TRABD2B: variants seen among roughly 807,000 people sequenced by gnomAD.
The protein encoded by TRABD2B is metalloprotease TIKI2.
Under a neutral mutation model 40.1 loss-of-function variants are expected in TRABD2B, and 14 were observed. The observed-to-expected ratio is 0.35, with a 90% CI of 0.23 to 0.55. The LOEUF (loss-of-function observed/expected upper bound fraction) is 0.55, where lower values mean the gene tolerates loss of function less well. TRABD2B is among the 20% of genes least tolerant of loss of function. The probability of loss-of-function intolerance (pLI) is 0.90; values close to 1 mark genes in which losing one functional copy is unlikely to be tolerated. For missense variants in TRABD2B, 541 were observed against 648.6 expected, an observed-to-expected ratio of 0.83 and a Z score of 1.80; for synonymous variants, 263 against 277.0, an observed-to-expected ratio of 0.95 and a Z score of 0.50.
intron 2 of TRABD2B, among the ~76,000 whole-genome samples, chr1:47,888,340 T>C (rs931343369): frequency 6.6e-6 from 1 of 152,196 alleles, no homozygotes; most frequent in African/African-American, 2.4e-5. Flanking sequence ...GCTTTCTGTT[T>C]GGAGGGAGGC....
intron 2 of TRABD2B, among the ~76,000 whole-genome samples, chr1:47,970,679 T>C (rs1396519117): frequency 6.6e-6 from 1 of 152,192 alleles, no homozygotes; most frequent in African/African-American, 2.4e-5. Context: ...TTGGTTGATC[T>C]GAGTTGGACT....
intron 2 of TRABD2B, among the ~76,000 whole-genome samples, chr1:47,873,568 G>A (rs1044533258): frequency 4.6e-5 from 7 of 152,190 alleles, no homozygotes; most frequent in Admixed American, 1.3e-4. Context: ...AACGAGGGAA[G>A]CAGGGTGTTG....
intron 2 of TRABD2B, among the ~76,000 whole-genome samples, chr1:47,988,693 G>A (rs970110492): frequency 2.0e-5 from 3 of 152,146 alleles, no homozygotes; most frequent in African/African-American, 7.2e-5. Flanking sequence ...AGACTTGGTT[G>A]GCCTAGGCTC....
chr1:47,776,113 GA>G (rs1277400949), intron 5 of TRABD2B, among the ~76,000 whole-genome samples: 1 of 152,072 alleles, frequency 6.6e-6, no homozygotes, highest in African/African-American at 2.4e-5. Flanking sequence ...GCAAAGCACC[GA>G]GAACAGTGTC....
chr1:47,856,531 G>A lies in TRABD2B; in HGVS notation c.667-54912C>T, dbSNP rs561639496. Among the ~76,000 whole-genome samples, 90 of 152,350 alleles carry A rather than the reference G, an allele frequency of 5.9e-4. 1 individual carries two copies. The highest frequency in any genetic ancestry group is 3.4e-3 in the Middle Eastern group (1 of 294). The stretch of plus-strand genomic sequence containing the variant: ...ATTTTGAGGTGGGCTGAGAGTCCCA[G>A]TCCCTGATTCTAGGACCAGCTTTGC... On this transcript the variant is annotated intron_variant, in intron 2 of 6. Transcript: ENST00000606738.
In TRABD2B at chr1:47,795,662, A is replaced by G. The variant is rs1205178811; in HGVS notation, c.814-902T>C. On this transcript the variant is annotated intron_variant, in intron 3 of 6. Transcript: ENST00000606738. ...AAGAGGATGGGGGCTGTCATGGGCT[A>G]CATTCAGCACATGCCACCCTACAGA... 3 of 985,222 alleles carry G rather than the reference A, an allele frequency of 3.0e-6. No individual in the cohort carries two copies. In the African/African-American group the frequency reaches 5.2e-5, roughly 17 times the overall value. The allele number at this position is 985,222 out of a possible 1,614,324, so 61.0% of individuals were successfully genotyped here.
chr1:47,909,150 C>T (rs908085435), intron 2 of TRABD2B, among the ~76,000 whole-genome samples: 2 of 152,232 alleles, frequency 1.3e-5, no homozygotes, highest in Non-Finnish European at 2.9e-5. Context: ...CTATTAAATA[C>T]GTGTGGACAC....
chr1:47,849,341 C>T (rs1239500227), intron 2 of TRABD2B, among the ~76,000 whole-genome samples: 2 of 152,212 alleles, frequency 1.3e-5, no homozygotes, highest in Non-Finnish European at 2.9e-5. Context: ...ATCCAGAACA[C>T]TGCCATCTGT....
At chr1:47,887,826 C>T (rs1007917354) in intron 2 of TRABD2B, among the ~76,000 whole-genome samples, 2 of 152,192 alleles carry the variant, frequency 1.3e-5, no homozygotes, top group African/African-American at 2.4e-5. Context: ...CCCTCCAAAC[C>T]AGTCCTGGGT....
chr1:47,794,655 T>G lies in TRABD2B; in HGVS notation c.919A>C (p.Met307Leu). 1 of 1,536,808 alleles carries G rather than the reference T, an allele frequency of 6.5e-7. No homozygotes were observed. Among genetic ancestry groups the G allele is most frequent in the Non-Finnish European group, 8.7e-7 (1 of 1,146,964 alleles). Residue 307 changes from methionine (M) to leucine (L), a missense_variant, in exon 4 of 7, where the codon ATG becomes CTG. By Grantham distance (15) the Met-to-Leu change is conservative (BLOSUM62 2). Around this residue, in one of 2 missense-constraint regions of TRABD2B, gnomAD observed 369 missense variants for 492.8 expected, o/e 0.75. Coordinates refer to ENST00000606738, the MANE Select transcript of TRABD2B (RefSeq NM_001194986.2). Reference protein sequence around the residue: ...QELIYKRNERMGKRVMALLRE... With the variant: ...QELIYKRNERLGKRVMALLRE... Reference sequence around the variant, plus strand: ...AGAAGCGCCATGACCCTCTTCCCCATGCGCTCATTCCTCTTGTAGATGAGC... The same window carrying G: ...AGAAGCGCCATGACCCTCTTCCCCAGGCGCTCATTCCTCTTGTAGATGAGC...
At chr1:47,924,161 T>C (rs1644941520) in intron 2 of TRABD2B, among the ~76,000 whole-genome samples, 1 of 152,140 alleles carries the variant, frequency 6.6e-6, no homozygotes, top group African/African-American at 2.4e-5. Context: ...GCCTCCCCCA[T>C]ACCAGAGTCC....
intron 2 of TRABD2B, among the ~76,000 whole-genome samples, chr1:47,915,315 C>G (rs1644816052): frequency 6.6e-6 from 1 of 152,188 alleles, no homozygotes; most frequent in East Asian, 1.9e-4. Flanking sequence ...AGACTCTTCT[C>G]AAAGGCCTCT....
intron 2 of TRABD2B, among the ~76,000 whole-genome samples, chr1:47,842,649 C>T (rs911673294): frequency 2.0e-5 from 3 of 152,354 alleles, no homozygotes; most frequent in African/African-American, 7.2e-5. Flanking sequence ...TGGCTTACTT[C>T]TCTGAGCTTC....
chr1:47,790,277 A>G (rs984028287), intron 4 of TRABD2B, among the ~76,000 whole-genome samples: 2 of 152,210 alleles, frequency 1.3e-5, no homozygotes, highest in African/African-American at 2.4e-5. Flanking sequence ...ACAGGAGCTC[A>G]GCAGACAGAA....
At position 47,764,476 on chromosome 1, in the gene TRABD2B, C is replaced by T. The variant is rs900768592; in HGVS notation, c.*1426G>A. 1 of 152,262 alleles carries T rather than the reference C, an allele frequency of 6.6e-6. No homozygotes were observed. Among genetic ancestry groups the T allele is most frequent in the Non-Finnish European group, 1.5e-5 (1 of 68,106 alleles). The allele number at this position is 152,262 out of a possible 1,614,324, so 9.4% of individuals were successfully genotyped here. A position where few individuals can be genotyped will look rare whatever the true frequency, so the allele number is the denominator to read the frequency against. On this transcript the variant is annotated 3_prime_UTR_variant, in exon 7 of 7. Coordinates refer to ENST00000606738, the MANE Select transcript of TRABD2B (RefSeq NM_001194986.2). ...CGAGGGGCTAAAGTCTCTCGGAGTC[C>T]CTGTCACCTGCCTCCCCACTTGGCT...
At chr1:47,817,698 C>T (rs893626108) in intron 2 of TRABD2B, among the ~76,000 whole-genome samples, 1 of 152,200 alleles carries the variant, frequency 6.6e-6, no homozygotes, top group Non-Finnish European at 1.5e-5. Flanking sequence ...ATCTGCTCCT[C>T]TAGGGATGAG....
chr1:47,963,431 T>C (rs905194358), intron 2 of TRABD2B, among the ~76,000 whole-genome samples: 4 of 152,160 alleles, frequency 2.6e-5, no homozygotes, highest in Admixed American at 6.5e-5. Flanking sequence ...AGCTGCCTCT[T>C]AGGGACCAAA....
At chr1:47,862,545 A>G (rs1477206084) in intron 2 of TRABD2B, among the ~76,000 whole-genome samples, 2 of 136,598 alleles carry the variant, frequency 1.5e-5, no homozygotes, top group Non-Finnish European at 3.3e-5. Context: ...AAATATGCAC[A>G]AGATATATAT....
At chr1:47,932,614 G>A (rs1005323871) in intron 2 of TRABD2B, among the ~76,000 whole-genome samples, 3 of 152,130 alleles carry the variant, frequency 2.0e-5, no homozygotes, top group Admixed American at 6.5e-5. Context: ...GCAAAAATTC[G>A]TGCAACAGGA....
Sources: allele counts gnomAD v4.1 joint callset (sites outside exome capture counted in the v4.1 genomes callset), GRCh38; gene constraint gnomAD v4.1.1; regional missense constraint gnomAD v4.1.1; transcripts MANE v1.5; gene names NCBI Gene and HGNC (gene_info 2026-07-23, HGNC 2026-07-21).